ST3GAL2: variants seen among roughly 807,000 people sequenced by gnomAD.
ST3GAL2 encodes CMP-N-acetylneuraminate-beta-galactosamide-alpha-2,3-sialyltransferase 2.
ST3GAL2 carries 16 observed loss-of-function variants against 37.5 expected under a neutral mutation model. The observed-to-expected ratio is 0.43, with a 90% confidence interval of 0.29 to 0.65. ST3GAL2 has a LOEUF of 0.65. Among genes scored for constraint, ST3GAL2 ranks in the 30% least tolerant of loss-of-function variants. The pLI is 0.17. For missense variants in ST3GAL2, 383 were observed against 487.8 expected (o/e 0.79, Z 2.02); for synonymous variants, 238 against 202.9 (o/e 1.17, Z -1.47).
At chr16:70,414,871 T>G (rs1051234316) in intron 1 of ST3GAL2, among the ~76,000 whole-genome samples, 15 of 150,688 alleles carry the variant, frequency 1.0e-4, no homozygotes, top group Admixed American at 5.9e-4. Context: ...ATTTATTTAT[T>G]TATTATTTAT....
rs546237043 is a variant in ST3GAL2 at position 70,407,660 on chromosome 16, A to G, written c.-1003-8127T>C. The stretch of plus-strand genomic sequence containing the variant: ...AAGGGCTACTTCCACCTCCCAGTAC[A>G]AGGAACCTCAAAGGAGACCCTCACC... On this transcript the variant is annotated intron_variant, in intron 1 of 6. Transcript: ENST00000342907. Among the ~76,000 whole-genome samples the G allele has an allele frequency of 1.1e-4, 17 of 152,296 alleles. No homozygotes were observed. The South Asian group carries it at 2.9e-3, about 26-fold the overall frequency.
chr16:70,420,141 G>A lies in ST3GAL2; in HGVS notation c.-1004+18808C>T, dbSNP rs140207660. Among the ~76,000 whole-genome samples the A allele has an allele frequency of 3.2e-3, 476 of 150,800 alleles. 7 individuals are homozygous for A. The highest frequency in any genetic ancestry group is 5.6e-3 in the Non-Finnish European group (380 of 67,836). On this transcript the variant is annotated intron_variant, in intron 1 of 6. Transcript: ENST00000342907. ...CCCGGGTTCAAACTTCCATCAACTA[G>A]GCCAACTTCTTATCAGTTTCTATTC...
In ST3GAL2 at chr16:70,376,661, A is replaced by C. The variant is rs1427229977; in HGVS notation, c.*5028T>G. ...CTTTTATTTTTAAAAATATAGTTTCAGTATTTTACCTTCCCTGATGCCTCT... is the reference window on the plus strand; with the variant it reads ...CTTTTATTTTTAAAAATATAGTTTCCGTATTTTACCTTCCCTGATGCCTCT... On this transcript the variant is annotated 3_prime_UTR_variant, in exon 7 of 7. Transcript: ENST00000342907. The C allele has an allele frequency of 2.0e-5, 3 of 152,180 alleles. No individual in the cohort carries two copies. The highest frequency in any genetic ancestry group is 7.2e-5 in the African/African-American group (3 of 41,450). The allele number at this position is 152,180 out of a possible 1,614,324, so 9.4% of individuals were successfully genotyped here.
chr16:70,432,760 C>A (rs746267697), intron 1 of ST3GAL2, among the ~76,000 whole-genome samples: 1 of 152,196 alleles, frequency 6.6e-6, no homozygotes, highest in Admixed American at 6.5e-5. Context: ...AAGGAAAACT[C>A]GGTCTCAGAA....
intron 1 of ST3GAL2, among the ~76,000 whole-genome samples, chr16:70,419,273 C>T (rs2047697443): frequency 1.3e-5 from 2 of 152,244 alleles, no homozygotes; most frequent in Admixed American, 1.3e-4. Context: ...CTTCAGGCCA[C>T]AGTCTTTGCG....
Position 70,398,642 on chromosome 16 carries a change from C to G in ST3GAL2, c.-112G>C. 1 of 1,025,196 alleles carries G rather than the reference C, an allele frequency of 9.8e-7. No homozygotes were observed. The highest frequency in any genetic ancestry group is 1.4e-6 in the Non-Finnish European group (1 of 712,712). 63.5% of individuals were successfully genotyped at this position (1,025,196 alleles called of 1,614,324 possible). ...GCACCACATGCAAAGGGCATAGGGGCACGTGCTGCAGCAGGGGACAGTGGC... is the reference window on the plus strand; with the variant it reads ...GCACCACATGCAAAGGGCATAGGGGGACGTGCTGCAGCAGGGGACAGTGGC... On this transcript the variant is annotated 5_prime_UTR_variant, in exon 2 of 7. Coordinates refer to ENST00000342907, the MANE Select transcript of ST3GAL2 (RefSeq NM_006927.4).
intron 1 of ST3GAL2, among the ~76,000 whole-genome samples, chr16:70,411,590 C>G (rs185821978): frequency 7.2e-5 from 11 of 152,208 alleles, no homozygotes; most frequent in Non-Finnish European, 2.9e-5. Context: ...TGACCTACTG[C>G]CCCAACCCTG....
rs2047361671 is a variant in ST3GAL2, at chr16:70,377,903, T to G, written c.*3786A>C. 6.6e-6 allele frequency: 1 copy of G among 152,032 alleles called. No homozygotes were observed. Among genetic ancestry groups the G allele is most frequent in the South Asian group, 2.1e-4 (1 of 4,828 alleles). 9.4% of individuals were successfully genotyped at this position (152,032 alleles called of 1,614,324 possible). On this transcript the variant is annotated 3_prime_UTR_variant, in exon 7 of 7. Coordinates refer to ENST00000342907, the MANE Select transcript of ST3GAL2 (RefSeq NM_006927.4). The stretch of plus-strand genomic sequence containing the variant: ...CTCAGGAAATCAAGGAAGAAAAAGG[T>G]GTCTAGTAAGTACAAGATGAAACAT...
chr16:70,384,812 G>A (rs942680584), intron 4 of ST3GAL2, among the ~76,000 whole-genome samples: 3 of 149,242 alleles, frequency 2.0e-5, no homozygotes, highest in African/African-American at 7.5e-5. Context: ...ATCACCTGAG[G>A]TCAGGGGTTC....
rs1009322980 is a variant in ST3GAL2 at position 70,399,445 on chromosome 16, C to T, written c.-915G>A. On this transcript the variant is annotated 5_prime_UTR_variant, in exon 2 of 7. Transcript: ENST00000342907. ...CAGGTTCTGCCCATCCCCACTCCCC[C>T]GGGGCCAGCCTATCCTGCTGTGAGC... The T allele has an allele frequency of 2.5e-6, 1 of 398,638 alleles. No individual in the cohort carries two copies. Among genetic ancestry groups the T allele is most frequent in the Non-Finnish European group, 4.4e-6 (1 of 226,194 alleles). The allele number at this position is 398,638 out of a possible 1,614,324, so 24.7% of individuals were successfully genotyped here.
intron 1 of ST3GAL2, among the ~76,000 whole-genome samples, chr16:70,423,457 C>G (rs1380026894): frequency 6.6e-6 from 1 of 152,088 alleles, no homozygotes; most frequent in Non-Finnish European, 1.5e-5. Flanking sequence ...CTGCAATGAG[C>G]CAAGACCAAG....
intron 1 of ST3GAL2, among the ~76,000 whole-genome samples, chr16:70,405,868 G>A (rs1414575151): frequency 6.6e-6 from 1 of 151,702 alleles, no homozygotes; most frequent in Non-Finnish European, 1.5e-5. Context: ...AGACCATCCT[G>A]GCTAACATGG....
At chr16:70,401,940 G>A (rs982316161) in intron 1 of ST3GAL2, among the ~76,000 whole-genome samples, 1 of 135,832 alleles carries the variant, frequency 7.4e-6, no homozygotes, top group African/African-American at 2.8e-5. Flanking sequence ...GTTGCAGTGC[G>A]CCAAGATCAC....
At chr16:70,404,691 C>T (rs1016230070) in intron 1 of ST3GAL2, among the ~76,000 whole-genome samples, 1 of 152,108 alleles carries the variant, frequency 6.6e-6, no homozygotes, top group Non-Finnish European at 1.5e-5. Context: ...TCAGCAATTC[C>T]ACTTCTAGGT....
chr16:70,434,308 G>A (rs1360370900), intron 1 of ST3GAL2, among the ~76,000 whole-genome samples: 4 of 152,028 alleles, frequency 2.6e-5, no homozygotes, highest in Admixed American at 1.3e-4. Context: ...GTGGTGGTGC[G>A]TGCCTGTAAT....
Position 70,398,614 on chromosome 16 carries a change from C to A in ST3GAL2, c.-84G>T. 5 of 1,355,790 alleles carry A rather than the reference C, an allele frequency of 3.7e-6. No individual in the cohort carries two copies. Among genetic ancestry groups the A allele is most frequent in the Non-Finnish European group, 5.0e-6 (5 of 1,003,696 alleles). 84.0% of individuals were successfully genotyped at this position (1,355,790 alleles called of 1,614,324 possible). ...CCAGCCACGGCGTAGCCTGCCTATTCTGGCACCACATGCAAAGGGCATAGG... is the reference window on the plus strand; with the variant it reads ...CCAGCCACGGCGTAGCCTGCCTATTATGGCACCACATGCAAAGGGCATAGG... On this transcript the variant is annotated 5_prime_UTR_variant, in exon 2 of 7. The change creates a premature stop within an existing upstream ORF in the 5' untranslated region. Transcript: ENST00000342907.
Position 70,383,206 on chromosome 16 carries a change from C to G in ST3GAL2, c.743G>C (p.Arg248Pro). 1 of 1,610,654 alleles carries G rather than the reference C, an allele frequency of 6.2e-7. No individual in the cohort carries two copies. Among genetic ancestry groups the G allele is most frequent in the Non-Finnish European group, 8.5e-7 (1 of 1,179,152 alleles). Residue 248 changes from arginine (R) to proline (P), a missense_variant, in exon 5 of 7, where the codon CGA becomes CCA. By Grantham distance (103) the Arg-to-Pro change is moderately radical. Transcript: ENST00000342907. ...FTYAPVKSFL[R>P]VDKEKVQIYN... is the part of the protein sequence containing the mutation. ...GGAGCTTACCTTTTCTTTATCCACT[C>G]GAAGGAAGGACTTCACTGGGGCGTA...
intron 1 of ST3GAL2, among the ~76,000 whole-genome samples, chr16:70,432,644 T>A (rs2047798977): frequency 6.6e-6 from 1 of 152,208 alleles, no homozygotes; most frequent in Non-Finnish European, 1.5e-5. Context: ...TTCCCCCAGA[T>A]AGCAGGCAAA....
At chr16:70,408,307 C>A (rs575193093) in intron 1 of ST3GAL2, among the ~76,000 whole-genome samples, 3 of 152,002 alleles carry the variant, frequency 2.0e-5, no homozygotes, top group Non-Finnish European at 4.4e-5. Flanking sequence ...TCAAAACATT[C>A]GCTGTGCCCC....
Sources: allele counts gnomAD v4.1 joint callset (sites outside exome capture counted in the v4.1 genomes callset), GRCh38; gene constraint gnomAD v4.1.1; transcripts MANE v1.5; gene names NCBI Gene and HGNC (gene_info 2026-07-23, HGNC 2026-07-21).